The following C2CD3 variants were observed in gnomAD, a reference collection of about 807,000 sequenced individuals.
C2CD3 encodes C2 domain containing 3 centriole elongation regulator.
C2CD3 carries 148 observed loss-of-function variants against 234.0 expected under a neutral mutation model. That is an observed-to-expected ratio of 0.63 (90% CI 0.55 to 0.72). The LOEUF (loss-of-function observed/expected upper bound fraction) is 0.72. Among genes scored for constraint, C2CD3 ranks in the 30% least tolerant of loss-of-function variants. The pLI is 0.00. For synonymous variants in C2CD3, 1,000 were observed against 1,035.4 expected (o/e 0.97, Z 0.66); for missense variants, 2,577 against 2,811.5 (o/e 0.92, Z 1.89).
chr11:74,150,923 C>CT (rs1323011166), intron 3 of C2CD3, among the ~76,000 whole-genome samples: 73 of 147,992 alleles, frequency 4.9e-4, no homozygotes, highest in African/African-American at 1.4e-3. Context: ...TTCTTTCTTT[C>CT]TTTTTTTTTT....
At chr11:74,021,774 T>A (rs558618736) in intron 32 of C2CD3, among the ~76,000 whole-genome samples, 1 of 152,316 alleles carries the variant, frequency 6.6e-6, no homozygotes, top group South Asian at 2.1e-4. Context: ...TTACACTGGC[T>A]ACAGTGTGGA....
intron 24 of C2CD3, among the ~76,000 whole-genome samples, chr11:74,066,342 CA>C (rs201917331): frequency 0.015 from 2,244 of 147,730 alleles, 59 homozygotes; most frequent in African/African-American, 0.054. Context: ...CAACATGGCA[CA>C]TGTATACATA....
At chr11:74,017,931 G>A (rs1472198515) in intron 32 of C2CD3, among the ~76,000 whole-genome samples, 1 of 152,174 alleles carries the variant, frequency 6.6e-6, no homozygotes. Context: ...GGTGGGTACA[G>A]GTGCCCCCAC....
chr11:74,124,907 T>G (rs1183441436), intron 7 of C2CD3, among the ~76,000 whole-genome samples: 1 of 152,214 alleles, frequency 6.6e-6, no homozygotes, highest in Non-Finnish European at 1.5e-5. Flanking sequence ...TTATTTGAAT[T>G]TATTCACCTG....
intron 31 of C2CD3, among the ~76,000 whole-genome samples, chr11:74,032,916 G>A (rs1952581270): frequency 6.6e-6 from 1 of 150,538 alleles, no homozygotes; most frequent in African/African-American, 2.4e-5. Flanking sequence ...CCTTATATAT[G>A]CAAAATAGGG....
intron 22 of C2CD3, among the ~76,000 whole-genome samples, chr11:74,082,468 T>C (rs1341824435): frequency 6.6e-6 from 1 of 152,148 alleles, no homozygotes; most frequent in Non-Finnish European, 1.5e-5. Context: ...GTTCCATCAA[T>C]AGTTTATTGA....
At chr11:74,099,862 C>T (rs944453604) in intron 15 of C2CD3, among the ~76,000 whole-genome samples, 6 of 149,988 alleles carry the variant, frequency 4.0e-5, no homozygotes, top group African/African-American at 1.5e-4. Context: ...TGCCACTGCA[C>T]TCCAGCCTGG....
intron 6 of C2CD3, 95 bp downstream of exon 6, chr11:74,133,330 T>C: frequency 1.8e-6 from 2 of 1,087,062 alleles, no homozygotes; most frequent in South Asian, 2.8e-5. Flanking sequence ...TTGATAAGCA[T>C]TTCCAAGATT....
rs188653778 is a variant in C2CD3, at chr11:74,032,923, A to T, written c.6809+428T>A. On this transcript the variant is annotated intron_variant, in intron 31 of 32. Coordinates refer to ENST00000334126, the MANE Select transcript of C2CD3 (RefSeq NM_001286577.2). ...ATCAGTTTCCTTATATATGCAAAATAGGGATGATACCTACCTAAAAGACTT... is the reference window on the plus strand; with the variant it reads ...ATCAGTTTCCTTATATATGCAAAATTGGGATGATACCTACCTAAAAGACTT... 2.0e-5 allele frequency among the ~76,000 whole-genome samples: 3 copies of T among 152,128 alleles called. No individual in the cohort carries two copies. The East Asian group carries it at 5.8e-4, about 29-fold the overall frequency.
chr11:74,088,996 T>C (rs1239329350), intron 20 of C2CD3, among the ~76,000 whole-genome samples: 1 of 152,256 alleles, frequency 6.6e-6, no homozygotes, highest in Admixed American at 6.5e-5. Flanking sequence ...TTAAAGTTTT[T>C]CTATTCCATG....
intron 28 of C2CD3, among the ~76,000 whole-genome samples, chr11:74,045,323 T>C (rs1953308650): frequency 6.6e-6 from 1 of 152,216 alleles, no homozygotes. Context: ...AGCATTGTAG[T>C]AAGCTTTGGA....
chr11:74,140,744 A>C (rs1958025174), intron 3 of C2CD3, among the ~76,000 whole-genome samples: 1 of 152,214 alleles, frequency 6.6e-6, no homozygotes, highest in Non-Finnish European at 1.5e-5. Context: ...TAAAAGAAGG[A>C]CATAACATTT....
chr11:74,045,801 G>A (rs997960305), intron 28 of C2CD3, among the ~76,000 whole-genome samples: 2 of 152,072 alleles, frequency 1.3e-5, no homozygotes, highest in Non-Finnish European at 2.9e-5. Flanking sequence ...TCGAACTCCT[G>A]AGCTCAAGCA....
At chr11:74,159,461 C>G (rs1199964215) in intron 3 of C2CD3, among the ~76,000 whole-genome samples, 1 of 151,724 alleles carries the variant, frequency 6.6e-6, no homozygotes, top group African/African-American at 2.4e-5. Context: ...AGGTGGAAGA[C>G]AGTGATAGTG....
chr11:74,053,243 T>C (rs964742142), intron 26 of C2CD3, among the ~76,000 whole-genome samples: 1 of 152,226 alleles, frequency 6.6e-6, no homozygotes, highest in Non-Finnish European at 1.5e-5. Flanking sequence ...CCGTCAAGAA[T>C]TAGAGATGTT....
rs1957535689 is a variant in C2CD3, at chr11:74,129,183, T to A, written c.1217+3661A>T. On this transcript the variant is annotated intron_variant, in intron 7 of 32. Coordinates refer to ENST00000334126, the MANE Select transcript of C2CD3 (RefSeq NM_001286577.2). Reference sequence around the variant, plus strand: ...GCTGGCCGGGCGGGGAGCTGACCCCTCACCTCCCTCCGGGACGGGGTGGCT... The same window carrying A: ...GCTGGCCGGGCGGGGAGCTGACCCCACACCTCCCTCCGGGACGGGGTGGCT... 4 of 171,124 alleles carry A rather than the reference T, an allele frequency of 2.3e-5. No homozygotes were observed. The South Asian group carries it at 4.4e-4, about 19-fold the overall frequency. 10.6% of individuals were successfully genotyped at this position (171,124 alleles called of 1,614,324 possible).
chr11:74,047,701 G>A (rs987124794), intron 28 of C2CD3, among the ~76,000 whole-genome samples: 7 of 152,172 alleles, frequency 4.6e-5, no homozygotes, highest in Non-Finnish European at 8.8e-5. Flanking sequence ...GTAGGCAGCG[G>A]GGTGCTTCAG....
intron 28 of C2CD3, among the ~76,000 whole-genome samples, chr11:74,045,076 C>T (rs1411891890): frequency 6.6e-6 from 1 of 151,968 alleles, no homozygotes; most frequent in African/African-American, 2.4e-5. Context: ...GATATGTGAC[C>T]CATTTGAAGT....
At position 74,057,536 on chromosome 11, in the gene C2CD3, A is replaced by G; in HGVS notation, c.4960T>C (p.Leu1654=). 2 of 1,614,182 alleles carry G rather than the reference A, an allele frequency of 1.2e-6. No homozygotes were observed. The highest frequency in any genetic ancestry group is 1.1e-5 in the South Asian group (1 of 91,074). Residue 1654 remains leucine (L), a synonymous_variant, in exon 25 of 33, where the codon TTG becomes CTG. Transcript: ENST00000334126. The part of the protein sequence containing the change: ...AMHLSLKGSP[L]TERKVSIPSC... Reference sequence around the variant, plus strand: ...GGTATCGATACTTTCCGCTCTGTCAAGGGGCTCCCTGAAATAGAATAAAGT... The same window carrying G: ...GGTATCGATACTTTCCGCTCTGTCAGGGGGCTCCCTGAAATAGAATAAAGT...
Sources: gnomAD v4.1 joint callset for allele counts (sites outside exome capture counted in the v4.1 genomes callset) on GRCh38, gnomAD v4.1.1 for gene constraint, MANE v1.5 for transcripts, NCBI Gene and HGNC (gene_info 2026-07-23, HGNC 2026-07-21) for gene names.